GLRA3: variants seen among roughly 807,000 people sequenced by gnomAD.
GLRA3 encodes the protein glycine receptor alpha 3, also known as glycine receptor subunit alpha-3.
A neutral mutation model predicts 60.4 loss-of-function variants in GLRA3; 44 were observed. The ratio of observed to expected loss-of-function variants is 0.73; its 90% CI spans 0.57 to 0.94. GLRA3 has a LOEUF of 0.94. Ranked by LOEUF, GLRA3 falls within the 40% of genes least tolerant of loss-of-function variation. The probability of loss-of-function intolerance (pLI) is 0.00; values close to 1 mark genes in which losing one functional copy is unlikely to be tolerated. For missense variants in GLRA3, 508 were observed against 564.6 expected (o/e 0.90, Z 1.02); for synonymous variants, 223 against 192.9 (o/e 1.16, Z -1.29).
chr4:174,699,860 A>C (rs1364175447), intron 5 of GLRA3, among the ~76,000 whole-genome samples: 1 of 151,046 alleles, frequency 6.6e-6, no homozygotes. Flanking sequence ...TAATGCATTA[A>C]TTATTTAATT....
chr4:174,663,675 A>G (rs1462648154), intron 7 of GLRA3, among the ~76,000 whole-genome samples: 1 of 152,186 alleles, frequency 6.6e-6, no homozygotes, highest in Non-Finnish European at 1.5e-5. Flanking sequence ...CTTCTCCGCC[A>G]AGTACAGCAA....
intron 1 of GLRA3, among the ~76,000 whole-genome samples, chr4:174,817,807 A>G (rs1012865229): frequency 1.3e-5 from 2 of 152,088 alleles, no homozygotes; most frequent in African/African-American, 2.4e-5. Context: ...GGGTTTCGTC[A>G]TGTTGGCCAG....
rs563118771 is a variant in GLRA3 at position 174,824,629 on chromosome 4, C to A, written c.71+4112G>T. The stretch of plus-strand genomic sequence containing the variant: ...CAACTGAATTTGACAGTCACCTTTT[C>A]CCAATCACATACTATATATCTGTAT... On this transcript the variant is annotated intron_variant, in intron 1 of 9. Coordinates refer to ENST00000274093, the MANE Select transcript of GLRA3 (RefSeq NM_006529.4). Among the ~76,000 whole-genome samples the A allele has an allele frequency of 8.5e-5, 13 of 152,236 alleles. 1 individual carries two copies. In the South Asian group the frequency reaches 2.5e-3, roughly 29 times the overall value.
chr4:174,729,774 C>G lies in GLRA3; in HGVS notation c.268-1076G>C, dbSNP rs530970119. On this transcript the variant is annotated intron_variant, in intron 3 of 9. Coordinates refer to ENST00000274093, the MANE Select transcript of GLRA3 (RefSeq NM_006529.4). ...AAACATTATAAGACCACTTCATTTGCATGCAAAATAGCCAAGGCTGAAGAT... is the reference window on the plus strand; with the variant it reads ...AAACATTATAAGACCACTTCATTTGGATGCAAAATAGCCAAGGCTGAAGAT... Among the ~76,000 whole-genome samples, 12 of 152,298 alleles carry G rather than the reference C, an allele frequency of 7.9e-5. No homozygotes were observed. In the East Asian group the frequency reaches 1.7e-3, roughly 22 times the overall value.
At chr4:174,756,075 T>C (rs988822030) in intron 3 of GLRA3, among the ~76,000 whole-genome samples, 1 of 152,172 alleles carries the variant, frequency 6.6e-6, no homozygotes, top group Non-Finnish European at 1.5e-5. Flanking sequence ...AAAAACCGAA[T>C]AGTTTTATAT....
intron 1 of GLRA3, among the ~76,000 whole-genome samples, chr4:174,789,144 G>C (rs1300293493): frequency 1.3e-5 from 2 of 152,078 alleles, no homozygotes; most frequent in Non-Finnish European, 2.9e-5. Flanking sequence ...TATCTATTCA[G>C]TCCAATTGTC....
intron 6 of GLRA3, among the ~76,000 whole-genome samples, 165 bp downstream of exon 6, chr4:174,682,637 T>C (rs1455437070): frequency 6.6e-6 from 1 of 152,198 alleles, no homozygotes; most frequent in African/African-American, 2.4e-5. Context: ...TTTAACAATA[T>C]GCAATGAATC....
chr4:174,712,509 A>C (rs952268604), intron 5 of GLRA3: 3 of 152,158 alleles, frequency 2.0e-5, no homozygotes, highest in African/African-American at 7.2e-5. Flanking sequence ...CACTTGGAAC[A>C]GTTTTGACCA....
At chr4:174,733,439 G>T (rs571958811) in intron 3 of GLRA3, among the ~76,000 whole-genome samples, 2 of 152,248 alleles carry the variant, frequency 1.3e-5, no homozygotes, top group East Asian at 3.9e-4. Flanking sequence ...CCTCTCCCCA[G>T]TGCCAGTCAA....
In GLRA3 at chr4:174,824,380, C is replaced by T. The variant is rs116197185; in HGVS notation, c.71+4361G>A. On this transcript the variant is annotated intron_variant, in intron 1 of 9. Transcript: ENST00000274093. ...AATAGTAATTTTGAGGTAAACACTA[C>T]CTCTGAAGAAGAACCGATAGGGATA... Among the ~76,000 whole-genome samples the T allele has an allele frequency of 2.6e-3, 399 of 152,234 alleles. 2 individuals are homozygous for T. The highest frequency in any genetic ancestry group is 8.8e-3 in the African/African-American group (364 of 41,550).
Position 174,728,690 on chromosome 4 carries a change from T to C in GLRA3, c.276A>G (p.Arg92=). 1 of 1,543,642 alleles carries C rather than the reference T, an allele frequency of 6.5e-7. No individual in the cohort carries two copies. Among genetic ancestry groups the C allele is most frequent in the Non-Finnish European group, 8.8e-7 (1 of 1,130,176 alleles). The change falls in exon 4 of 10, where the codon AGA becomes AGG. Residue 92 remains arginine, a synonymous_variant. Transcript: ENST00000274093. ...GSIAETTMDY[R]VNIFLRQKWN... is the part of the protein sequence containing the mutation. ...ATTTCTGACGAAGAAAGATATTCACTCTGTAATCCTATGATAAAATAATGA... is the reference window on the plus strand; with the variant it reads ...ATTTCTGACGAAGAAAGATATTCACCCTGTAATCCTATGATAAAATAATGA...
In GLRA3 at chr4:174,801,089, A is replaced by C. The variant is rs559093641; in HGVS notation, c.72-12146T>G. Among the ~76,000 whole-genome samples the C allele has an allele frequency of 4.6e-5, 7 of 152,158 alleles. No homozygotes were observed. The East Asian group carries it at 1.4e-3, about 29-fold the overall frequency. On this transcript the variant is annotated intron_variant, in intron 1 of 9. Coordinates refer to ENST00000274093, the MANE Select transcript of GLRA3 (RefSeq NM_006529.4). ...GATGTGCAGTAGCTTAGGTATACTG[A>C]ATATATTTTCAACTCAGGATATTTT... is the stretch of plus-strand genomic sequence containing the variant.
intron 3 of GLRA3, among the ~76,000 whole-genome samples, chr4:174,751,725 T>C (rs1373551207): frequency 6.6e-6 from 1 of 152,036 alleles, no homozygotes; most frequent in Non-Finnish European, 1.5e-5. Flanking sequence ...AGTATCCTTA[T>C]AAATATACAC....
intron 5 of GLRA3, among the ~76,000 whole-genome samples, chr4:174,685,111 G>T (rs912923983): frequency 6.6e-6 from 1 of 152,214 alleles, no homozygotes; most frequent in African/African-American, 2.4e-5. Flanking sequence ...CTGGAAACAA[G>T]CTTGTATTGT....
chr4:174,770,793 A>G (rs1363670077), intron 2 of GLRA3, among the ~76,000 whole-genome samples: 3 of 152,062 alleles, frequency 2.0e-5, no homozygotes, highest in African/African-American at 7.2e-5. Context: ...TAAAATTTGT[A>G]AGATGAGAGC....
intron 5 of GLRA3, 70 bp downstream of exon 5, chr4:174,715,418 T>C (rs892393154): frequency 2.9e-5 from 22 of 757,840 alleles, no homozygotes; most frequent in Non-Finnish European, 4.5e-5. Context: ...AAATTATCCA[T>C]ATTAGGCATT....
intron 5 of GLRA3, among the ~76,000 whole-genome samples, chr4:174,689,541 C>G (rs1218473855): frequency 6.6e-6 from 1 of 151,582 alleles, no homozygotes; most frequent in Admixed American, 6.6e-5. Flanking sequence ...TACATTATAT[C>G]CATTAAGTAA....
chr4:174,693,694 A>G (rs760259182), intron 5 of GLRA3, among the ~76,000 whole-genome samples: 1 of 152,198 alleles, frequency 6.6e-6, no homozygotes, highest in Non-Finnish European at 1.5e-5. Context: ...GAAGAATGTC[A>G]TTGTTAATTT....
chr4:174,703,197 T>A (rs1012021048), intron 5 of GLRA3, among the ~76,000 whole-genome samples: 7 of 152,142 alleles, frequency 4.6e-5, no homozygotes, highest in Admixed American at 6.5e-5. Context: ...AAACTTCAAA[T>A]CCTCTGGATT....
Sources: gnomAD v4.1 joint callset for allele counts (sites outside exome capture counted in the v4.1 genomes callset) on GRCh38, gnomAD v4.1.1 for gene constraint, MANE v1.5 for transcripts, NCBI Gene and HGNC (gene_info 2026-07-23, HGNC 2026-07-21) for gene names.